The following C1orf115 variants were observed in gnomAD, a reference collection of about 807,000 sequenced individuals.
The protein encoded by C1orf115 is required for drug-induced death protein 1.
Under a neutral mutation model 12.5 loss-of-function variants are expected in C1orf115, and 14 were observed. That is an observed-to-expected ratio of 1.12 (90% CI 0.74 to 1.75). The LOEUF is 1.75. C1orf115 is among the 40% of genes most tolerant of loss of function. The pLI is 0.00. For synonymous variants in C1orf115, 109 were observed against 104.6 expected (o/e 1.04, Z -0.26); for missense variants, 237 against 220.8 (o/e 1.07, Z -0.46).
chr1:220,695,923 A>G (rs1027253608), intron 1 of C1orf115, among the ~76,000 whole-genome samples: 1 of 152,070 alleles, frequency 6.6e-6, no homozygotes, highest in Non-Finnish European at 1.5e-5. Flanking sequence ...TTCTGTTGCA[A>G]TCACATTTGA....
chr1:220,690,511 G>A lies in C1orf115; in HGVS notation c.109G>A (p.Glu37Lys). Residue 37 changes from glutamate to lysine, a missense_variant, in exon 1 of 2, where the codon GAG (glutamate) becomes AAG (lysine). Physicochemically the swap from Glu to Lys is moderately conservative, Grantham distance 56 (BLOSUM62 1). Transcript: ENST00000294889. ...EGDEEAAAIL[E>K]HLEYADEAEA... Reference sequence around the variant, plus strand: ...GGACGAGGAGGCGGCCGCCATCCTGGAGCACCTGGAGTACGCGGACGAGGC... The same window carrying A: ...GGACGAGGAGGCGGCCGCCATCCTGAAGCACCTGGAGTACGCGGACGAGGC... 1 of 1,435,576 alleles carries A rather than the reference G, an allele frequency of 7.0e-7. No homozygotes were observed. The highest frequency in any genetic ancestry group is 1.5e-5 in the South Asian group (1 of 66,658). The allele number at this position is 1,435,576 out of a possible 1,614,324, so 88.9% of individuals were successfully genotyped here.
At chr1:220,692,030 C>T (rs1020337214) in intron 1 of C1orf115, among the ~76,000 whole-genome samples, 2 of 152,162 alleles carry the variant, frequency 1.3e-5, no homozygotes, top group Non-Finnish European at 2.9e-5. Flanking sequence ...GAAAACTGGG[C>T]ACAGAAGGAT....
Position 220,696,971 on chromosome 1 carries a change from TAGG to T in C1orf115, c.*241_*243del, listed in dbSNP as rs1254424868. 9.7e-5 allele frequency: 41 copies of T among 421,344 alleles called. No individual in the cohort carries two copies. Among genetic ancestry groups the T allele is most frequent in the Non-Finnish European group, 1.4e-4 (35 of 253,958 alleles). The allele number at this position is 421,344 out of a possible 1,614,324, so 26.1% of individuals were successfully genotyped here. On this transcript the variant is annotated 3_prime_UTR_variant, in exon 2 of 2. Coordinates refer to ENST00000294889, the MANE Select transcript of C1orf115 (RefSeq NM_024709.5). ...ATCCTGCAGAGAATTCGGCGGAGGT[TAGG>T]TTTGGGAGTGGAGCTAGCGTGCTAA...
In C1orf115 at chr1:220,690,575, A is replaced by G; in HGVS notation, c.173A>G (p.Glu58Gly). The change falls in exon 1 of 2, where the codon GAG becomes GGG. Residue 58 changes from glutamate (E) to glycine (G), a missense_variant. Physicochemically the swap from Glu to Gly is moderately conservative, Grantham distance 98 (BLOSUM62 -2). Coordinates refer to ENST00000294889, the MANE Select transcript of C1orf115 (RefSeq NM_024709.5). ...GAGAGCGGGACGAGCGCGGCGGACG[A>G]GCGGGGCCCGGGGACCCGGGGCGCG... ...AAESGTSAAD[E>G]RGPGTRGARR... 1 of 1,497,688 alleles carries G rather than the reference A, an allele frequency of 6.7e-7. No homozygotes were observed. The highest frequency in any genetic ancestry group is 8.9e-7 in the Non-Finnish European group (1 of 1,126,614). 92.8% of individuals were successfully genotyped at this position (1,497,688 alleles called of 1,614,324 possible). A position where few individuals can be genotyped will look rare whatever the true frequency, so the allele number is the denominator to read the frequency against.
intron 1 of C1orf115, among the ~76,000 whole-genome samples, chr1:220,694,704 G>A (rs1670163619): frequency 6.6e-6 from 1 of 152,220 alleles, no homozygotes; most frequent in Non-Finnish European, 1.5e-5. Flanking sequence ...GAGAGTGCAT[G>A]CCAGAGGAAT....
At position 220,698,385 on chromosome 1, in the gene C1orf115, C is replaced by T. The variant is rs1670224652; in HGVS notation, c.*1654C>T. On this transcript the variant is annotated 3_prime_UTR_variant, in exon 2 of 2. Coordinates refer to ENST00000294889, the MANE Select transcript of C1orf115 (RefSeq NM_024709.5). ...AAGCTTCAACTTCATGTCGAAGATT[C>T]ACTGGGACCCAATTCCTGCATTGTT... 6.6e-6 allele frequency: 1 copy of T among 152,240 alleles called. No individual in the cohort carries two copies. The highest frequency in any genetic ancestry group is 2.4e-5 in the African/African-American group (1 of 41,464). The allele number at this position is 152,240 out of a possible 1,614,324, so 9.4% of individuals were successfully genotyped here.
At chr1:220,694,688 A>G (rs1159509447) in intron 1 of C1orf115, among the ~76,000 whole-genome samples, 3 of 152,244 alleles carry the variant, frequency 2.0e-5, no homozygotes, top group Admixed American at 6.5e-5. Context: ...GCTTAGGGCT[A>G]CAAGGGAGAG....
At chr1:220,694,750 G>A (rs1238323924) in intron 1 of C1orf115, among the ~76,000 whole-genome samples, 4 of 151,972 alleles carry the variant, frequency 2.6e-5, no homozygotes, top group Non-Finnish European at 2.9e-5. Flanking sequence ...CTCAAGTAAC[G>A]AATTGAATAT....
At position 220,690,698 on chromosome 1, in the gene C1orf115, A is replaced by C; in HGVS notation, c.296A>C (p.Lys99Thr). 5.0e-6 allele frequency: 8 copies of C among 1,592,370 alleles called. No individual in the cohort carries two copies. Among genetic ancestry groups the C allele is most frequent in the Non-Finnish European group, 6.8e-6 (8 of 1,170,808 alleles). ...AGGAAGAGGTACCGGAGGAAGCTGA[A>C]GAAGTACGGCAAGGTAGGGGCCCTG... ...QPRKRYRRKL[K>T]KYGKNVGKVI... Residue 99 changes from lysine to threonine, a missense_variant, in exon 1 of 2, where the codon AAG becomes ACG. By Grantham distance (78) the Lys-to-Thr change is moderately conservative (BLOSUM62 -1). Transcript: ENST00000294889.
Position 220,690,470 on chromosome 1 carries a change from G to T in C1orf115, c.68G>T (p.Arg23Leu). ...SSLLRRGPRG[R>L]GRTEGDEEAA... is the part of the protein sequence containing the mutation. ...CTCCTGCGCCGCGGGCCCCGAGGGCGAGGGCGAACCGAGGGGGACGAGGAG... is the reference window on the plus strand; with the variant it reads ...CTCCTGCGCCGCGGGCCCCGAGGGCTAGGGCGAACCGAGGGGGACGAGGAG... Residue 23 changes from arginine to leucine, a missense_variant, in exon 1 of 2, where the codon CGA (arginine) becomes CTA (leucine). By Grantham distance (102) the Arg-to-Leu change is moderately radical. Coordinates refer to ENST00000294889, the MANE Select transcript of C1orf115 (RefSeq NM_024709.5). 2 of 1,443,912 alleles carry T rather than the reference G, an allele frequency of 1.4e-6. No individual in the cohort carries two copies. Among genetic ancestry groups the T allele is most frequent in the Non-Finnish European group, 1.8e-6 (2 of 1,105,366 alleles). The allele number at this position is 1,443,912 out of a possible 1,614,324, so 89.4% of individuals were successfully genotyped here.
In C1orf115 at chr1:220,698,849, G is replaced by A. The variant is rs1670230837; in HGVS notation, c.*2118G>A. 2.0e-5 allele frequency: 3 copies of A among 152,176 alleles called. No individual in the cohort carries two copies. The South Asian group carries it at 6.2e-4, about 32-fold the overall frequency. 9.4% of individuals were successfully genotyped at this position (152,176 alleles called of 1,614,324 possible). ...CAAAAGTCAAAACCTCCTAGGGGTT[G>A]TCCTGGGAGTCAGGTTCACGGGTAC... On this transcript the variant is annotated 3_prime_UTR_variant, in exon 2 of 2. Coordinates refer to ENST00000294889, the MANE Select transcript of C1orf115 (RefSeq NM_024709.5).
In C1orf115 at chr1:220,698,872, T is replaced by C. The variant is rs1670231295; in HGVS notation, c.*2141T>C. The stretch of plus-strand genomic sequence containing the variant: ...TTGTCCTGGGAGTCAGGTTCACGGG[T>C]ACAGAAGATGAATCTCAGATGTCAC... On this transcript the variant is annotated 3_prime_UTR_variant, in exon 2 of 2. Transcript: ENST00000294889. 3 of 152,192 alleles carry C rather than the reference T, an allele frequency of 2.0e-5. No individual in the cohort carries two copies. In the South Asian group the frequency reaches 6.2e-4, roughly 32 times the overall value. The allele number at this position is 152,192 out of a possible 1,614,324, so 9.4% of individuals were successfully genotyped here.
chr1:220,691,176 T>A (rs932745800), intron 1 of C1orf115, among the ~76,000 whole-genome samples: 1 of 152,174 alleles, frequency 6.6e-6, no homozygotes, highest in Non-Finnish European at 1.5e-5. Context: ...CTCCCAAATA[T>A]TCCCAAGGTT....
intron 1 of C1orf115, among the ~76,000 whole-genome samples, chr1:220,691,141 C>G (rs1670100362): frequency 1.3e-5 from 2 of 152,162 alleles, no homozygotes; most frequent in South Asian, 4.1e-4. Flanking sequence ...GGATATCCCA[C>G]TAGTTGAGAA....
Position 220,696,525 on chromosome 1 carries a change from G to A in C1orf115, c.310-87G>A, listed in dbSNP as rs1327742932. 9.2e-6 allele frequency: 13 copies of A among 1,409,484 alleles called. No individual in the cohort carries two copies. In the East Asian group the frequency reaches 1.4e-4, roughly 15 times the overall value. 87.3% of individuals were successfully genotyped at this position (1,409,484 alleles called of 1,614,324 possible). A position where few individuals can be genotyped will look rare whatever the true frequency, so the allele number is the denominator to read the frequency against. ...AAAAATGATCTTTATATATGTCGCC[G>A]TGACTCATTTTTTTTCATGAAAGAT... On this transcript the variant is annotated intron_variant, in intron 1 of 1. Transcript: ENST00000294889.
intron 1 of C1orf115, 148 bp downstream of exon 1, chr1:220,690,859 G>A: frequency 2.0e-6 from 2 of 1,024,232 alleles, no homozygotes; most frequent in Non-Finnish European, 1.4e-6. Flanking sequence ...CTCGCCGGAG[G>A]GAAGCCGCGA....
chr1:220,694,080 C>CAAAAAAAAAAA (rs11353067), intron 1 of C1orf115, among the ~76,000 whole-genome samples: 1 of 72,048 alleles, frequency 1.4e-5, no homozygotes. Flanking sequence ...AACGCGGTCT[C>CAAAAAAAAAAA]AAAAAAAAAA....
Position 220,697,310 on chromosome 1 carries a change from A to G in C1orf115, c.*579A>G, listed in dbSNP as rs1372132397. On this transcript the variant is annotated 3_prime_UTR_variant, in exon 2 of 2. Transcript: ENST00000294889. This position sits in a 1 kb window ranked among gnomAD's most constrained non-coding sequence, Gnocchi z 4.5. ...TGAGGAGAAGAAAGGAAGAAAAGAT[A>G]TCTTGATGCTTTGAAAACTGTGTTG... is the stretch of plus-strand genomic sequence containing the variant. 2.0e-5 allele frequency: 3 copies of G among 152,210 alleles called. No individual in the cohort carries two copies. The highest frequency in any genetic ancestry group is 4.4e-5 in the Non-Finnish European group (3 of 68,100). 9.4% of individuals were successfully genotyped at this position (152,210 alleles called of 1,614,324 possible). A position where few individuals can be genotyped will look rare whatever the true frequency, so the allele number is the denominator to read the frequency against.
chr1:220,691,876 A>G (rs1670114657), intron 1 of C1orf115, among the ~76,000 whole-genome samples: 1 of 152,226 alleles, frequency 6.6e-6, no homozygotes, highest in Admixed American at 6.5e-5. Context: ...GCCCTGCCCT[A>G]GAGAAGGGCA....
Sources: gnomAD v4.1 joint callset for allele counts (sites outside exome capture counted in the v4.1 genomes callset) on GRCh38, gnomAD v4.1.1 for gene constraint, Gnocchi (gnomAD v3.1) non-coding constraint, MANE v1.5 for transcripts, NCBI Gene and HGNC (gene_info 2026-07-23, HGNC 2026-07-21) for gene names.